The following CNN3 variants were observed in gnomAD, a reference collection of about 807,000 sequenced individuals.
CNN3 encodes calponin-3.
A neutral mutation model predicts 39.0 loss-of-function variants in CNN3; 11 were observed. The ratio of observed to expected loss-of-function variants is 0.28; its 90% CI spans 0.18 to 0.47. CNN3 has a LOEUF of 0.47. Ranked by LOEUF, CNN3 falls within the 20% of genes least tolerant of loss-of-function variation. The pLI is 0.99. For synonymous variants in CNN3, 101 were observed against 138.3 expected, an observed-to-expected ratio of 0.73 and a Z score of 1.89; for missense variants, 266 against 403.4, an observed-to-expected ratio of 0.66 and a Z score of 2.92.
chr1:94,905,945 C>T (rs12406532), intron 1 of CNN3, among the ~76,000 whole-genome samples: 19,745 of 152,156 alleles, frequency 0.13, 1,428 homozygotes, highest in African/African-American at 0.18. Flanking sequence ...TTTTATGGCA[C>T]TTTTAGAAAA....
chr1:94,901,935 G>A (rs1670878747), intron 4 of CNN3, 150 bp from the exon 5 acceptor site: 1 of 706,608 alleles, frequency 1.4e-6, no homozygotes, highest in Non-Finnish European at 2.4e-6. Context: ...CATTTGAAAT[G>A]TGAGTGTTCT....
At position 94,897,554 on chromosome 1, in the gene CNN3, G is replaced by A. The variant is rs1670756124; in HGVS notation, c.*188C>T. The A allele has an allele frequency of 6.9e-6, 4 of 577,180 alleles. No individual in the cohort carries two copies. The highest frequency in any genetic ancestry group is 3.0e-5 in the Admixed American group (1 of 32,790). The allele number at this position is 577,180 out of a possible 1,614,324, so 35.8% of individuals were successfully genotyped here. ...TATGCTGTAGGATTTAACTATTACA[G>A]CACTAAAAGGCAACTATTGAGGGAA... is the stretch of plus-strand genomic sequence containing the variant. On this transcript the variant is annotated 3_prime_UTR_variant, in exon 7 of 7. Coordinates refer to ENST00000370206, the MANE Select transcript of CNN3 (RefSeq NM_001839.5).
At chr1:94,914,117 G>T (rs1050896863) in intron 1 of CNN3, among the ~76,000 whole-genome samples, 3 of 152,122 alleles carry the variant, frequency 2.0e-5, no homozygotes, top group Non-Finnish European at 4.4e-5. Flanking sequence ...GCATTTGTAG[G>T]TATCAGCTCT....
At chr1:94,898,325 C>T (rs966300285) in intron 6 of CNN3, among the ~76,000 whole-genome samples, 19 of 152,162 alleles carry the variant, frequency 1.2e-4, no homozygotes, top group Non-Finnish European at 5.9e-5. Flanking sequence ...TATAAAATTA[C>T]TATGTGGCCT....
chr1:94,911,071 G>A (rs1294792245), intron 1 of CNN3, among the ~76,000 whole-genome samples: 2 of 152,188 alleles, frequency 1.3e-5, no homozygotes, highest in African/African-American at 4.8e-5. Context: ...AAGGACAAAG[G>A]AACTATTTTA....
intron 1 of CNN3, among the ~76,000 whole-genome samples, chr1:94,904,896 T>C (rs577799494): frequency 3.1e-4 from 47 of 152,258 alleles, no homozygotes; most frequent in Admixed American, 2.4e-3. Context: ...AATTACATCA[T>C]TGGAAATGGG....
rs55734308 is a variant in CNN3 at position 94,916,712 on chromosome 1, G to A, written c.57+10126C>T. Among the ~76,000 whole-genome samples, 1,062 of 152,320 alleles carry A rather than the reference G, an allele frequency of 7.0e-3. 18 individuals are homozygous for A. Among genetic ancestry groups the A allele is most frequent in the African/African-American group, 0.024 (990 of 41,574 alleles). ...GGAGCAAGGGCTCTGGAAACTGAAT[G>A]CTTGAATTAGAAGCCCATTTCCACC... On this transcript the variant is annotated intron_variant, in intron 1 of 6. Coordinates refer to ENST00000370206, the MANE Select transcript of CNN3 (RefSeq NM_001839.5).
intron 1 of CNN3, among the ~76,000 whole-genome samples, chr1:94,917,340 G>A (rs1341003529): frequency 1.3e-5 from 2 of 151,960 alleles, no homozygotes; most frequent in African/African-American, 4.8e-5. Context: ...GCCTGGCCAA[G>A]CTTCCTGTTT....
At chr1:94,903,730 T>G in intron 1 of CNN3, among the ~76,000 whole-genome samples, 1 of 152,154 alleles carries the variant, frequency 6.6e-6, no homozygotes, top group East Asian at 1.9e-4. Flanking sequence ...TCATACAAAA[T>G]TTTGAACAGA....
At chr1:94,916,428 G>C (rs1025711654) in intron 1 of CNN3, among the ~76,000 whole-genome samples, 1 of 152,076 alleles carries the variant, frequency 6.6e-6, no homozygotes, top group Admixed American at 6.5e-5. Flanking sequence ...AACAGAGGAC[G>C]ATCCTGTCTC....
At chr1:94,913,399 CCTT>C (rs1167215585) in intron 1 of CNN3, among the ~76,000 whole-genome samples, 2 of 152,150 alleles carry the variant, frequency 1.3e-5, no homozygotes, top group African/African-American at 4.8e-5. Context: ...GGATTAGAAT[CCTT>C]CTTCTACACA....
intron 1 of CNN3, among the ~76,000 whole-genome samples, chr1:94,904,718 G>GC (rs1166172693): frequency 2.0e-5 from 3 of 151,838 alleles, no homozygotes; most frequent in Non-Finnish European, 4.4e-5. Flanking sequence ...CTGCACTCCA[G>GC]CCTGGGCAGC....
chr1:94,915,504 T>A (rs952432770), intron 1 of CNN3, among the ~76,000 whole-genome samples: 8 of 152,232 alleles, frequency 5.3e-5, no homozygotes, highest in Non-Finnish European at 1.0e-4. Flanking sequence ...ATATTTTACA[T>A]AATTGTAATG....
chr1:94,907,836 G>A (rs946916325), intron 1 of CNN3, among the ~76,000 whole-genome samples: 8 of 151,970 alleles, frequency 5.3e-5, no homozygotes, highest in Non-Finnish European at 1.2e-4. Context: ...CTGCAGCCTG[G>A]GCAACAGAGC....
chr1:94,913,096 C>T (rs753515355), intron 1 of CNN3, among the ~76,000 whole-genome samples: 49 of 152,174 alleles, frequency 3.2e-4, no homozygotes, highest in Non-Finnish European at 6.0e-4. Flanking sequence ...TACGTTAATA[C>T]ACAGTTTATT....
intron 1 of CNN3, among the ~76,000 whole-genome samples, chr1:94,907,352 CT>C (rs1671030298): frequency 6.6e-6 from 1 of 152,140 alleles, no homozygotes; most frequent in South Asian, 2.1e-4. Flanking sequence ...ACAGCATTAT[CT>C]TTTAAAATCA....
At chr1:94,909,122 G>A (rs116259404) in intron 1 of CNN3, among the ~76,000 whole-genome samples, 8,749 of 152,244 alleles carry the variant, frequency 0.057, 324 homozygotes, top group African/African-American at 0.092. Context: ...ACTACAGCCT[G>A]GGTGGCAAAG....
intron 1 of CNN3, among the ~76,000 whole-genome samples, chr1:94,918,098 G>C (rs1379622231): frequency 6.6e-6 from 1 of 152,196 alleles, no homozygotes; most frequent in Non-Finnish European, 1.5e-5. Flanking sequence ...TTAACATAAA[G>C]TCCTTTTAAC....
rs993136083 is a variant in CNN3 at position 94,906,291 on chromosome 1, C to T, written c.58-2767G>A. Among the ~76,000 whole-genome samples, 5 of 152,156 alleles carry T rather than the reference C, an allele frequency of 3.3e-5. No individual in the cohort carries two copies. In the South Asian group the frequency reaches 6.2e-4, roughly 19 times the overall value. The stretch of plus-strand genomic sequence containing the variant: ...AGCCACTGCGTCCAGCCGATAGACA[C>T]GTTTAAGTCTTGACTATATTTTTAC... On this transcript the variant is annotated intron_variant, in intron 1 of 6. Coordinates refer to ENST00000370206, the MANE Select transcript of CNN3 (RefSeq NM_001839.5).
Sources: allele counts gnomAD v4.1 joint callset (sites outside exome capture counted in the v4.1 genomes callset), GRCh38; gene constraint gnomAD v4.1.1; transcripts MANE v1.5; gene names NCBI Gene and HGNC (gene_info 2026-07-23, HGNC 2026-07-21).